The following SAFB2 variants were observed in gnomAD, a reference collection of about 807,000 sequenced individuals.
SAFB2 encodes scaffold attachment factor B2.
In SAFB2, 32 loss-of-function variants were observed where a neutral mutation model predicts 100.6. That is an observed-to-expected ratio of 0.32 (90% CI 0.24 to 0.43). The LOEUF (loss-of-function observed/expected upper bound fraction) is 0.43, where lower values mean the gene tolerates loss of function less well. Ranked by LOEUF, SAFB2 falls within the 20% of genes least tolerant of loss-of-function variation. SAFB2 has a pLI of 1.00. For synonymous variants in SAFB2, 500 were observed against 439.4 expected, an observed-to-expected ratio of 1.14 and a Z score of -1.72; for missense variants, 1,185 against 1,163.4, an observed-to-expected ratio of 1.02 and a Z score of -0.27.
In SAFB2 at chr19:5,587,636, C is replaced by T; in HGVS notation, c.2705+65G>A. 5 of 1,484,754 alleles carry T rather than the reference C, an allele frequency of 3.4e-6. No individual in the cohort carries two copies. Among genetic ancestry groups the T allele is most frequent in the South Asian group, 1.3e-5 (1 of 76,550 alleles). 92.0% of individuals were successfully genotyped at this position (1,484,754 alleles called of 1,614,324 possible). ...CAACCCAGCCAGCTGATCAAACATG[C>T]AAAAAAGGGAGAGGAAGTGAGGAGC... On this transcript the variant is annotated intron_variant, in intron 20 of 20. Coordinates refer to ENST00000252542, the MANE Select transcript of SAFB2 (RefSeq NM_014649.3). This position sits in a 1 kb window ranked among gnomAD's most constrained non-coding sequence, Gnocchi z 4.9.
At chr19:5,605,980 G>A (rs1044944379) in intron 9 of SAFB2, among the ~76,000 whole-genome samples, 1 of 152,208 alleles carries the variant, frequency 6.6e-6, no homozygotes, top group African/African-American at 2.4e-5. Context: ...CCCACCCAGT[G>A]CACACGTGTG....
chr19:5,595,817 G>C (rs1354553270), intron 13 of SAFB2, among the ~76,000 whole-genome samples: 1 of 152,240 alleles, frequency 6.6e-6, no homozygotes, highest in Non-Finnish European at 1.5e-5. Context: ...AGCAAACCTA[G>C]GCCTCTCAGA....
intron 4 of SAFB2, among the ~76,000 whole-genome samples, chr19:5,615,583 G>T (rs973055320): frequency 4.6e-5 from 7 of 151,912 alleles, no homozygotes; most frequent in African/African-American, 7.3e-5. Context: ...GGGCGTGGTG[G>T]TTCACTGTGT....
In SAFB2 at chr19:5,600,058, T is replaced by A. The variant is rs555999903; in HGVS notation, c.1690+72A>T. ...GTCACCAGAGCTTGCTGTCCTCACC[T>A]TCCCTCGGAACCCCCACTCCCCACC... On this transcript the variant is annotated intron_variant, in intron 12 of 20. Coordinates refer to ENST00000252542, the MANE Select transcript of SAFB2 (RefSeq NM_014649.3). 5 of 1,512,698 alleles carry A rather than the reference T, an allele frequency of 3.3e-6. No homozygotes were observed. In the African/African-American group the frequency reaches 7.0e-5, roughly 21 times the overall value. 93.7% of individuals were successfully genotyped at this position (1,512,698 alleles called of 1,614,324 possible).
intron 12 of SAFB2, among the ~76,000 whole-genome samples, 180 bp downstream of exon 12, chr19:5,599,950 T>G (rs542363521): frequency 6.6e-6 from 1 of 152,184 alleles, no homozygotes; most frequent in African/African-American, 2.4e-5. Context: ...GGATTCCCGA[T>G]GTTGTATGGA....
At position 5,587,910 on chromosome 19, in the gene SAFB2, T is replaced by C. The variant is rs754787696; in HGVS notation, c.2596A>G (p.Met866Val). 1 of 1,612,778 alleles carries C rather than the reference T, an allele frequency of 6.2e-7. No homozygotes were observed. The highest frequency in any genetic ancestry group is 1.1e-5 in the South Asian group (1 of 90,992). Residue 866 changes from methionine (M) to valine (V), a missense_variant, in exon 19 of 21, where the codon ATG becomes GTG. Met to Val is a conservative substitution (Grantham distance 21). This residue lies in a region of SAFB2 where 740 missense variants were observed against 687.1 expected (regional missense o/e 1.08). Coordinates refer to ENST00000252542, the MANE Select transcript of SAFB2 (RefSeq NM_014649.3). The surrounding 1 kb of genome is among the most constrained non-coding windows in gnomAD (Gnocchi z 4.9). ...EHQARAWQGA[M>V]DAGAASREHA... ...TCCCGGCTAGCCGCGCCTGCGTCCA[T>C]GGCACCCTGCCAGGCGCGTGCCTGG...
chr19:5,619,748 G>A (rs1226541836), intron 2 of SAFB2, among the ~76,000 whole-genome samples: 1 of 151,988 alleles, frequency 6.6e-6, no homozygotes, highest in Non-Finnish European at 1.5e-5. Context: ...AGGAGGCTGA[G>A]GCACAAGAAT....
intron 11 of SAFB2, among the ~76,000 whole-genome samples, chr19:5,601,815 A>G (rs2052665371): frequency 6.6e-6 from 1 of 152,238 alleles, no homozygotes; most frequent in Non-Finnish European, 1.5e-5. Context: ...CACCTGCTGC[A>G]CAAAATTCTG....
chr19:5,593,799 C>G (rs2052469653), intron 15 of SAFB2, 92 bp downstream of exon 15: 1 of 1,295,938 alleles, frequency 7.7e-7, no homozygotes, highest in African/African-American at 1.6e-5. Flanking sequence ...TCCCCACCGA[C>G]AGGGACGGAA....
At chr19:5,600,685 A>G (rs1423318442) in intron 11 of SAFB2, among the ~76,000 whole-genome samples, 2 of 152,194 alleles carry the variant, frequency 1.3e-5, no homozygotes, top group Non-Finnish European at 2.9e-5. Flanking sequence ...AACGGGATGG[A>G]GGCACAGTGG....
chr19:5,599,732 TTC>T (rs1027387345), intron 12 of SAFB2, among the ~76,000 whole-genome samples: 10 of 151,320 alleles, frequency 6.6e-5, no homozygotes, highest in Middle Eastern at 3.2e-3. Flanking sequence ...GGTTTCATTT[TTC>T]TCTGTGTTTT....
chr19:5,611,635 G>A lies in SAFB2; in HGVS notation c.635-5C>T, dbSNP rs1410737588. The A allele has an allele frequency of 7.2e-6, 3 of 416,718 alleles. No individual in the cohort carries two copies. Among genetic ancestry groups the A allele is most frequent in the Non-Finnish European group, 9.0e-6 (2 of 222,152 alleles). The allele number at this position is 416,718 out of a possible 1,614,324, so 25.8% of individuals were successfully genotyped here. A position where few individuals can be genotyped will look rare whatever the true frequency, so the allele number is the denominator to read the frequency against. On this transcript the variant is annotated splice_polypyrimidine_tract_variant and splice_region_variant and intron_variant, in intron 6 of 20. Coordinates refer to ENST00000252542, the MANE Select transcript of SAFB2 (RefSeq NM_014649.3). ...TGTCGAGTATTTTCTCATTTTCTAC[G>A]GATTTAACAGGAATAGAATGGCACA...
At chr19:5,609,820 T>A (rs544951023) in intron 9 of SAFB2, among the ~76,000 whole-genome samples, 175 bp downstream of exon 9, 3 of 152,154 alleles carry the variant, frequency 2.0e-5, no homozygotes, top group African/African-American at 7.2e-5. Context: ...CATTTTTTAG[T>A]AAACACAACA....
At chr19:5,616,656 T>C (rs1207598018) in intron 2 of SAFB2, among the ~76,000 whole-genome samples, 170 bp from the exon 3 acceptor site, 1 of 136,470 alleles carries the variant, frequency 7.3e-6, no homozygotes, top group Non-Finnish European at 1.6e-5. Flanking sequence ...TTTTTTTTTT[T>C]TTTTTTTTTT....
intron 1 of SAFB2, among the ~76,000 whole-genome samples, chr19:5,621,725 G>A (rs1469435709): frequency 6.6e-6 from 1 of 152,230 alleles, no homozygotes; most frequent in African/African-American, 2.4e-5. Flanking sequence ...GAACAGAGAG[G>A]CTGCACTTGG....
At chr19:5,621,437 G>A (rs1453837474) in intron 1 of SAFB2, 41 bp from the exon 2 acceptor site, 4 of 1,235,370 alleles carry the variant, frequency 3.2e-6, no homozygotes, top group Non-Finnish European at 4.8e-6. Context: ...ATTAAGAGCT[G>A]CAGGGCACAC....
intron 11 of SAFB2, among the ~76,000 whole-genome samples, chr19:5,602,898 A>G (rs150239743): frequency 0.014 from 2,073 of 150,948 alleles, 32 homozygotes; most frequent in Non-Finnish European, 0.019. Flanking sequence ...ATTAAATTAG[A>G]GGGCTCACCG....
intron 9 of SAFB2, among the ~76,000 whole-genome samples, chr19:5,605,507 C>G (rs1430033992): frequency 6.6e-6 from 1 of 152,164 alleles, no homozygotes; most frequent in Non-Finnish European, 1.5e-5. Flanking sequence ...CAACTAATAA[C>G]CAGAAGTCCT....
intron 18 of SAFB2, among the ~76,000 whole-genome samples, chr19:5,588,497 T>A (rs2052314938): frequency 6.6e-6 from 1 of 152,118 alleles, no homozygotes; most frequent in South Asian, 2.1e-4. Flanking sequence ...CCAACACCCA[T>A]GAACTGATGA....
Sources: gnomAD v4.1 joint callset for allele counts (sites outside exome capture counted in the v4.1 genomes callset) on GRCh38, gnomAD v4.1.1 for gene constraint, gnomAD v4.1.1 regional missense constraint, Gnocchi (gnomAD v3.1) non-coding constraint, MANE v1.5 for transcripts, NCBI Gene and HGNC (gene_info 2026-07-23, HGNC 2026-07-21) for gene names.